SLC1A6: variants seen among roughly 807,000 people sequenced by gnomAD.
SLC1A6 encodes the protein solute carrier family 1 member 6, also known as excitatory amino acid transporter 4.
Under a neutral mutation model 42.1 loss-of-function variants are expected in SLC1A6, and 15 were observed. That is an observed-to-expected ratio of 0.36 (90% CI 0.24 to 0.55). The LOEUF (loss-of-function observed/expected upper bound fraction) is 0.55, where lower values mean the gene tolerates loss of function less well. Ranked by LOEUF, SLC1A6 falls within the 20% of genes least tolerant of loss-of-function variation. The probability of loss-of-function intolerance (pLI) is 0.88; values close to 1 mark genes in which losing one functional copy is unlikely to be tolerated. For synonymous variants in SLC1A6, 317 were observed against 319.7 expected (o/e 0.99, Z 0.09); for missense variants, 542 against 772.5 (o/e 0.70, Z 3.54).
chr19:14,980,215 A>C (rs2045758480), upstream of SLC1A6: 1 of 152,352 alleles, frequency 6.6e-6, no homozygotes. Flanking sequence ...TAAACAAGGA[A>C]GATGGCTTGG....
At chr19:14,961,191 G>A (rs1423909991) in intron 6 of SLC1A6, 2 of 152,080 alleles carry the variant, frequency 1.3e-5, no homozygotes, top group Admixed American at 1.3e-4. Context: ...ATAGGCATGA[G>A]CCACCACACC....
In SLC1A6 at chr19:14,979,050, TCACACACACACACACACACACACA is replaced by T. The variant is rs56317513; in HGVS notation, c.-8+235_-8+258del. On this transcript the variant is annotated intron_variant, in intron 1 of 9. Coordinates refer to ENST00000594383, the MANE Select transcript of SLC1A6 (RefSeq NM_005071.3). This position sits in a 1 kb window ranked among gnomAD's most constrained non-coding sequence, Gnocchi z 4.2. Reference sequence around the variant, plus strand: ...CAAATTCAGTCTCTCTCTCTCTCTGTCACACACACACACACACACACACACACACACACACACACACACACACTA... The same window carrying T: ...CAAATTCAGTCTCTCTCTCTCTCTGTCACACACACACACACACACACACTA... Among the ~76,000 whole-genome samples, 18 of 131,404 alleles carry T rather than the reference TCACACACACACACACACACACACA, an allele frequency of 1.4e-4. No homozygotes were observed. The East Asian group carries it at 3.6e-3, about 26-fold the overall frequency. 86.2% of individuals were successfully genotyped at this position (131,404 alleles called of 152,430 possible).
intron 9 of SLC1A6, among the ~76,000 whole-genome samples, chr19:14,951,253 C>CAAAAAAAAAAAAAAAAA (rs1164185118): frequency 9.2e-5 from 8 of 86,826 alleles, no homozygotes; most frequent in Admixed American, 1.5e-4. Flanking sequence ...CTCTGTCTCA[C>CAAAAAAAAAAAAAAAAA]AAAAAAAAAA....
Position 15,002,464 on chromosome 19 carries a change from G to A in SLC1A6, c.6+8021C>T, listed in dbSNP as rs1476428809. 5.3e-5 allele frequency among the ~76,000 whole-genome samples: 8 copies of A among 152,246 alleles called. 1 individual carries two copies. The East Asian group carries it at 9.6e-4, about 18-fold the overall frequency. Reference sequence around the variant, plus strand: ...ATTTCTTCAGAGTGAGCAAGTGAAAGAGCAAGCAAGAGAGAGCAGAACAGA... The same window carrying A: ...ATTTCTTCAGAGTGAGCAAGTGAAAAAGCAAGCAAGAGAGAGCAGAACAGA... On this transcript the variant is annotated intron_variant, in intron 1 of 8. Coordinates refer to the SLC1A6 transcript ENST00000430939.
chr19:14,950,124 C>T lies in SLC1A6; in HGVS notation c.*71G>A. On this transcript the variant is annotated 3_prime_UTR_variant, in exon 10 of 10. Coordinates refer to ENST00000594383, the MANE Select transcript of SLC1A6 (RefSeq NM_005071.3). ...GTTCAGCCCACGGTCAGTTGGGCAA[C>T]AGATGTGTCACCAGGACTCCCCTCC... is the stretch of plus-strand genomic sequence containing the variant. 1 of 1,176,750 alleles carries T rather than the reference C, an allele frequency of 8.5e-7. No individual in the cohort carries two copies. The highest frequency in any genetic ancestry group is 1.2e-6 in the Non-Finnish European group (1 of 868,442). The allele number at this position is 1,176,750 out of a possible 1,614,324, so 72.9% of individuals were successfully genotyped here. A position where few individuals can be genotyped will look rare whatever the true frequency, so the allele number is the denominator to read the frequency against.
At chr19:14,968,696 T>C (rs1295915765) in intron 3 of SLC1A6, among the ~76,000 whole-genome samples, 189 bp from the exon 4 acceptor site, 1 of 151,884 alleles carries the variant, frequency 6.6e-6, no homozygotes, top group African/African-American at 2.4e-5. Flanking sequence ...CTTCTAATTT[T>C]CCAAATACAC....
chr19:15,009,987 G>C (rs936546029), intron 1 of SLC1A6, among the ~76,000 whole-genome samples: 1 of 149,286 alleles, frequency 6.7e-6, no homozygotes, highest in Admixed American at 6.8e-5. Context: ...AGACCAGCCT[G>C]GCCAACATGG....
intron 9 of SLC1A6, among the ~76,000 whole-genome samples, chr19:14,952,683 G>C (rs1281574042): frequency 6.6e-6 from 1 of 152,066 alleles, no homozygotes; most frequent in East Asian, 1.9e-4. Context: ...AGGTAAAAGA[G>C]GAGTTTTTCT....
chr19:14,978,308 A>C (rs1215347244), intron 1 of SLC1A6: 1 of 152,204 alleles, frequency 6.6e-6, no homozygotes, highest in Non-Finnish European at 1.5e-5. Flanking sequence ...GAGCAAACTG[A>C]AAATGCTTTC....
chr19:15,008,900 G>A (rs751805702), intron 1 of SLC1A6, among the ~76,000 whole-genome samples: 1 of 151,210 alleles, frequency 6.6e-6, no homozygotes, highest in Non-Finnish European at 1.5e-5. Flanking sequence ...GGAGGCCAAG[G>A]TGATGGAATC....
rs997018218 is a variant in SLC1A6, at chr19:15,008,361, T to G, written c.6+2124A>C. Among the ~76,000 whole-genome samples the G allele has an allele frequency of 1.2e-4, 18 of 151,864 alleles. No homozygotes were observed. In the East Asian group the frequency reaches 1.5e-3, roughly 13 times the overall value. On this transcript the variant is annotated intron_variant, in intron 1 of 8. Coordinates refer to the SLC1A6 transcript ENST00000430939. ...CTCAGTCTCTTTAGAAAAAGAGAGA[T>G]ATATATATACAGAATATCTATTATT...
At chr19:15,004,129 G>C (rs1035784813) in intron 1 of SLC1A6, among the ~76,000 whole-genome samples, 24 of 152,010 alleles carry the variant, frequency 1.6e-4, no homozygotes, top group African/African-American at 5.3e-4. Context: ...GCACTCCAGC[G>C]TGAGCAACAG....
intron 1 of SLC1A6, among the ~76,000 whole-genome samples, chr19:14,976,127 G>A (rs1018897593): frequency 1.3e-5 from 2 of 151,990 alleles, no homozygotes; most frequent in East Asian, 3.9e-4. Flanking sequence ...ACAACAGTAT[G>A]GAGATTTCTC....
intron 6 of SLC1A6, among the ~76,000 whole-genome samples, chr19:14,957,300 C>T (rs577373171): frequency 2.0e-5 from 3 of 152,314 alleles, no homozygotes; most frequent in Non-Finnish European, 2.9e-5. Flanking sequence ...ACATGGCTCT[C>T]GTCCTCAAAG....
intron 9 of SLC1A6, among the ~76,000 whole-genome samples, chr19:14,951,048 C>A (rs962898944): frequency 2.7e-4 from 33 of 121,930 alleles, no homozygotes; most frequent in Non-Finnish European, 2.7e-4. Context: ...GCCTGACCAA[C>A]ATAGTGAAAC....
rs1173848535 is a variant in SLC1A6 at position 14,995,326 on chromosome 19, CAAAAAA to C, written c.6+15153_6+15158del. Among the ~76,000 whole-genome samples the C allele has an allele frequency of 1.7e-4, 9 of 53,032 alleles. No homozygotes were observed. The South Asian group carries it at 7.9e-3, about 46-fold the overall frequency. 34.8% of individuals were successfully genotyped at this position (53,032 alleles called of 152,430 possible). On this transcript the variant is annotated intron_variant, in intron 1 of 8. Coordinates refer to the SLC1A6 transcript ENST00000430939. The stretch of plus-strand genomic sequence containing the variant: ...GGCAACAAGAGTGAAACTCCATCTC[CAAAAAA>C]AAAAAAAAAAAAGAAAGAAAGAAAG...
At chr19:14,962,910 A>T (rs1214602767) in intron 5 of SLC1A6, among the ~76,000 whole-genome samples, 1 of 151,684 alleles carries the variant, frequency 6.6e-6, no homozygotes. Context: ...TCAAAAAAAC[A>T]AAAAAAAATT....
At chr19:14,956,830 G>A (rs535679290) in intron 6 of SLC1A6, 121 bp from the exon 7 acceptor site, 39 of 625,380 alleles carry the variant, frequency 6.2e-5, no homozygotes, top group East Asian at 4.7e-4. Flanking sequence ...CCCATGATAC[G>A]GCACCCTACT....
At chr19:14,950,530 G>A (rs1028851336) in intron 9 of SLC1A6, 140 bp from the exon 10 acceptor site, 2 of 512,398 alleles carry the variant, frequency 3.9e-6, no homozygotes, top group African/African-American at 3.9e-5. Context: ...ATGTCCCCAA[G>A]CAGGTTCTTC....
Sources: gnomAD v4.1 joint callset for allele counts (sites outside exome capture counted in the v4.1 genomes callset) on GRCh38, gnomAD v4.1.1 for gene constraint, Gnocchi (gnomAD v3.1) non-coding constraint, MANE v1.5 for transcripts, NCBI Gene and HGNC (gene_info 2026-07-23, HGNC 2026-07-21) for gene names.